ARMH3: variants seen among roughly 807,000 people sequenced by gnomAD.
ARMH3 encodes armadillo-like helical domain-containing protein 3.
In ARMH3, 60 loss-of-function variants were observed where a neutral mutation model predicts 99.1. That is an observed-to-expected ratio of 0.61 (90% CI 0.49 to 0.75). The LOEUF (loss-of-function observed/expected upper bound fraction) is 0.75, where lower values mean the gene tolerates loss of function less well. Among genes scored for constraint, ARMH3 ranks in the 30% least tolerant of loss-of-function variants. The probability of loss-of-function intolerance (pLI) is 0.00; values close to 1 mark genes in which losing one functional copy is unlikely to be tolerated. For synonymous variants in ARMH3, 285 were observed against 292.8 expected (o/e 0.97, Z 0.27); for missense variants, 679 against 843.1 (o/e 0.81, Z 2.41).
intron 1 of ARMH3, among the ~76,000 whole-genome samples, chr10:102,052,940 C>A (rs2067742157): frequency 1.3e-5 from 2 of 151,850 alleles, no homozygotes; most frequent in Admixed American, 6.6e-5. Flanking sequence ...CCTTTGGAAA[C>A]CTGCTCTACT....
At chr10:101,917,015 G>A (rs1564749779) in intron 23 of ARMH3, among the ~76,000 whole-genome samples, 1 of 152,182 alleles carries the variant, frequency 6.6e-6, no homozygotes, top group Non-Finnish European at 1.5e-5. Flanking sequence ...TGATTCTACA[G>A]CTTGCAGACA....
At chr10:101,971,968 T>C (rs377407927) in intron 20 of ARMH3, among the ~76,000 whole-genome samples, 3 of 152,324 alleles carry the variant, frequency 2.0e-5, no homozygotes, top group East Asian at 1.9e-4. Flanking sequence ...TGCAGAGCAA[T>C]AGAACTTTTT....
intron 20 of ARMH3, among the ~76,000 whole-genome samples, chr10:101,968,734 T>TGAGAGAAA (rs1845643924): frequency 6.6e-6 from 1 of 152,174 alleles, no homozygotes; most frequent in African/African-American, 2.4e-5. Flanking sequence ...TCTGAGGGGA[T>TGAGAGAAA]GAGAGAAAGA....
At chr10:102,017,000 C>A (rs554878981) in intron 8 of ARMH3, among the ~76,000 whole-genome samples, 1 of 152,200 alleles carries the variant, frequency 6.6e-6, no homozygotes, top group East Asian at 1.9e-4. Flanking sequence ...TTGCTTAAGT[C>A]CAACAACTTC....
rs1846746156 is a variant in ARMH3, at chr10:101,990,591, C to T, written c.1366G>A (p.Val456Ile). The change falls in exon 19 of 26, where the codon GTA becomes ATA. Residue 456 changes from valine to isoleucine, a missense_variant. Coordinates refer to ENST00000370033, the MANE Select transcript of ARMH3 (RefSeq NM_024541.3). ...GGAAACTCCTTCATCATGTGTGTTACAATAAACTCTACCATCAGGTCTGAA... is the reference window on the plus strand; with the variant it reads ...GGAAACTCCTTCATCATGTGTGTTATAATAAACTCTACCATCAGGTCTGAA... ...AVLDLMVEFIVTHMMKEFPMD... is the reference protein window; with the variant it reads ...AVLDLMVEFIITHMMKEFPMD... 1.2e-6 allele frequency: 2 copies of T among 1,604,756 alleles called. No homozygotes were observed. Among genetic ancestry groups the T allele is most frequent in the East Asian group, 4.5e-5 (2 of 44,824 alleles).
At chr10:101,892,765 A>G (rs1025175146) in intron 23 of ARMH3, among the ~76,000 whole-genome samples, 4 of 152,240 alleles carry the variant, frequency 2.6e-5, no homozygotes, top group African/African-American at 9.6e-5. Context: ...TATAGTACAT[A>G]TAATAAAAAC....
chr10:102,020,594 G>A (rs1440616684), intron 8 of ARMH3, among the ~76,000 whole-genome samples: 4 of 151,416 alleles, frequency 2.6e-5, no homozygotes, highest in Admixed American at 6.6e-5. Flanking sequence ...GCTGAGGCAG[G>A]AGAATGGCGT....
chr10:102,007,006 A>T (rs1405391548), intron 13 of ARMH3, among the ~76,000 whole-genome samples: 3 of 151,702 alleles, frequency 2.0e-5, no homozygotes, highest in Non-Finnish European at 4.4e-5. Flanking sequence ...ACTAAAATAC[A>T]AAAAATTAGC....
intron 8 of ARMH3, among the ~76,000 whole-genome samples, chr10:102,014,710 G>A (rs1317122289): frequency 6.6e-6 from 1 of 152,170 alleles, no homozygotes; most frequent in Non-Finnish European, 1.5e-5. Flanking sequence ...ATCACTTAGA[G>A]CACTGGAAGA....
intron 8 of ARMH3, among the ~76,000 whole-genome samples, chr10:102,014,311 T>A (rs557000838): frequency 6.6e-6 from 1 of 152,346 alleles, no homozygotes; most frequent in African/African-American, 2.4e-5. Context: ...ACTTCTACGA[T>A]CTTTCCCTCT....
chr10:101,914,350 T>C (rs1019264821), intron 23 of ARMH3, among the ~76,000 whole-genome samples: 9 of 151,042 alleles, frequency 6.0e-5, no homozygotes. Context: ...TAGCCGGGCA[T>C]GGTGGCGGGT....
At chr10:101,965,128 G>A (rs955427106) in intron 20 of ARMH3, among the ~76,000 whole-genome samples, 3 of 152,152 alleles carry the variant, frequency 2.0e-5, no homozygotes, top group Admixed American at 6.5e-5. Flanking sequence ...TATACTTAAT[G>A]CCACTGAACT....
At chr10:102,000,595 CA>C (rs1172474218) in intron 15 of ARMH3, among the ~76,000 whole-genome samples, 6 of 109,984 alleles carry the variant, frequency 5.5e-5, no homozygotes, top group Non-Finnish European at 1.2e-4. Context: ...CCCGTATCTA[CA>C]AAAAATACAC....
chr10:101,989,911 T>C (rs900522316), intron 19 of ARMH3, among the ~76,000 whole-genome samples: 5 of 152,190 alleles, frequency 3.3e-5, no homozygotes, highest in African/African-American at 1.2e-4. Flanking sequence ...TCCTACCTAA[T>C]GCGAAAGCTC....
At chr10:101,930,749 C>A (rs1012400919) in intron 23 of ARMH3, among the ~76,000 whole-genome samples, 3 of 151,998 alleles carry the variant, frequency 2.0e-5, no homozygotes, top group African/African-American at 7.3e-5. Context: ...CAGATGAGTA[C>A]AGAAAAAGGA....
At chr10:101,945,966 T>C (rs1228724428) in intron 22 of ARMH3, among the ~76,000 whole-genome samples, 1 of 145,164 alleles carries the variant, frequency 6.9e-6, no homozygotes, top group Non-Finnish European at 1.5e-5. Context: ...ACTTGTAATC[T>C]CAGATACTGG....
chr10:101,849,704 G>T, intron 25 of ARMH3, 72 bp downstream of exon 25: 6 of 1,277,066 alleles, frequency 4.7e-6, no homozygotes, highest in Non-Finnish European at 6.7e-6. Context: ...CAGATAAACT[G>T]CAGATAAACT....
intron 14 of ARMH3, 112 bp downstream of exon 14, chr10:102,006,427 AT>A (rs2136084727): frequency 8.1e-7 from 1 of 1,232,444 alleles, no homozygotes; most frequent in South Asian, 1.3e-5. Flanking sequence ...CTACAGACCA[AT>A]TTAGTGGGAA....
intron 8 of ARMH3, among the ~76,000 whole-genome samples, chr10:102,021,118 C>A (rs1292269700): frequency 6.6e-6 from 1 of 152,032 alleles, no homozygotes; most frequent in Non-Finnish European, 1.5e-5. Context: ...GCTTTGTCAC[C>A]CAGGCTGGAG....
Sources: gnomAD v4.1 joint callset for allele counts (sites outside exome capture counted in the v4.1 genomes callset) on GRCh38, gnomAD v4.1.1 for gene constraint, MANE v1.5 for transcripts, NCBI Gene and HGNC (gene_info 2026-07-23, HGNC 2026-07-21) for gene names.